POU2F3: variants seen among roughly 807,000 people sequenced by gnomAD.
POU2F3 encodes POU domain, class 2, transcription factor 3.
Under a neutral mutation model 59.2 loss-of-function variants are expected in POU2F3, and 23 were observed. The observed-to-expected ratio is 0.39, with a 90% CI of 0.28 to 0.55. The LOEUF (loss-of-function observed/expected upper bound fraction) is 0.55. Ranked by LOEUF, POU2F3 falls within the 20% of genes least tolerant of loss-of-function variation. The pLI, the probability that POU2F3 is intolerant of heterozygous loss-of-function variation, is 0.66. For missense variants in POU2F3, 473 were observed against 544.5 expected (o/e 0.87, Z 1.31); for synonymous variants, 190 against 214.6 (o/e 0.89, Z 1.00).
chr11:120,279,191 C>T (rs899812670), intron 3 of POU2F3, among the ~76,000 whole-genome samples: 9 of 151,806 alleles, frequency 5.9e-5, no homozygotes, highest in Non-Finnish European at 1.5e-5. Context: ...GTTCTCCCCC[C>T]ACCACTGCCT....
chr11:120,300,367 G>A (rs1941312869), intron 5 of POU2F3, among the ~76,000 whole-genome samples: 2 of 152,122 alleles, frequency 1.3e-5, no homozygotes. Flanking sequence ...TGCCTCTGGT[G>A]ACCTACTGGG....
chr11:120,256,367 C>A lies in POU2F3; in HGVS notation c.97+9850C>A, dbSNP rs1452318549. ...TGTAAAGCACTTAGAAGAGCGCCTG[C>A]CAGATGATAATGCTATTTGCTATTA... On this transcript the variant is annotated intron_variant, in intron 2 of 12. Coordinates refer to ENST00000543440, the MANE Select transcript of POU2F3 (RefSeq NM_014352.4). The A allele has an allele frequency of 2.0e-5, 3 of 152,288 alleles. No individual in the cohort carries two copies. In the East Asian group the frequency reaches 5.8e-4, roughly 29 times the overall value. 9.4% of individuals were successfully genotyped at this position (152,288 alleles called of 1,614,324 possible).
chr11:120,276,184 A>T (rs1940313645), intron 3 of POU2F3, among the ~76,000 whole-genome samples: 1 of 152,172 alleles, frequency 6.6e-6, no homozygotes, highest in Admixed American at 6.5e-5. Flanking sequence ...AAAGCCACTG[A>T]GCCTGAGAGA....
chr11:120,279,564 C>T (rs1364703959), intron 3 of POU2F3, among the ~76,000 whole-genome samples: 2 of 152,154 alleles, frequency 1.3e-5, no homozygotes, highest in Non-Finnish European at 2.9e-5. Context: ...AATCTCAGCC[C>T]CACCGCCCTC....
Position 120,317,291 on chromosome 11 carries a change from G to T in POU2F3, c.1198G>T (p.Ala400Ser), listed in dbSNP as rs766735411. 6.2e-7 allele frequency: 1 copy of T among 1,614,006 alleles called. No homozygotes were observed. The highest frequency in any genetic ancestry group is 2.2e-5 in the East Asian group (1 of 44,880). Residue 400 changes from alanine to serine, a missense_variant, in exon 12 of 13, where the codon GCC becomes TCC. Transcript: ENST00000543440. ...RPSSPGSGLHASSPTASQNNS... is the reference protein window; with the variant it reads ...RPSSPGSGLHSSSPTASQNNS... ...TTCATCTCCTGGCTCAGGACTCCAC[G>T]CCAGCAGCCCCACTGCATCTCAAAA...
rs1389247256 is a variant in POU2F3, at chr11:120,285,976, G to A, written c.133-12289G>A. Among the ~76,000 whole-genome samples, 1 of 152,026 alleles carries A rather than the reference G, an allele frequency of 6.6e-6. No homozygotes were observed. Among genetic ancestry groups the A allele is most frequent in the Admixed American group, 6.6e-5 (1 of 15,264 alleles). On this transcript the variant is annotated intron_variant, in intron 3 of 12. Coordinates refer to ENST00000543440, the MANE Select transcript of POU2F3 (RefSeq NM_014352.4). The surrounding 1 kb of genome is among the most constrained non-coding windows in gnomAD (Gnocchi z 4.3). ...CGGCTCACTGCAACCTCCGCCCCCA[G>A]GGTTCAAACAATTCTCGTGTCTCAG...
At chr11:120,270,764 C>T (rs1591396434) in intron 3 of POU2F3, among the ~76,000 whole-genome samples, 1 of 152,314 alleles carries the variant, frequency 6.6e-6, no homozygotes, top group Non-Finnish European at 1.5e-5. Flanking sequence ...GTAATCACAG[C>T]TCACTGCAGC....
At chr11:120,238,866 C>T (rs927820197), upstream of POU2F3, among the ~76,000 whole-genome samples, 1 of 135,872 alleles carries the variant, frequency 7.4e-6, no homozygotes, top group East Asian at 2.3e-4. Context: ...GAACACGGAA[C>T]TTAAACTCTC....
Position 120,305,627 on chromosome 11 carries a change from T to A in POU2F3, c.628-17T>A. 1 of 1,612,738 alleles carries A rather than the reference T, an allele frequency of 6.2e-7. No individual in the cohort carries two copies. The highest frequency in any genetic ancestry group is 8.5e-7 in the Non-Finnish European group (1 of 1,179,436). On this transcript the variant is annotated splice_polypyrimidine_tract_variant and intron_variant, in intron 7 of 12. Coordinates refer to ENST00000543440, the MANE Select transcript of POU2F3 (RefSeq NM_014352.4). ...AGGCTGCCTCTCATGTTCCTCCCCC[T>A]CGGTCCCCACGCTTAGGGAGATGTG... is the stretch of plus-strand genomic sequence containing the variant.
rs116140170 is a variant in POU2F3 at position 120,257,505 on chromosome 11, G to A, written c.97+10988G>A. Among the ~76,000 whole-genome samples the A allele has an allele frequency of 3.4e-3, 511 of 151,998 alleles. 2 individuals are homozygous for A. The highest frequency in any genetic ancestry group is 0.011 in the African/African-American group (472 of 41,450). ...CTGTGACCCTGGCCTGGGGTCCCGC[G>A]GCTCTAGCTTCTCACTGGCTCCTCC... is the stretch of plus-strand genomic sequence containing the variant. On this transcript the variant is annotated intron_variant, in intron 2 of 12. Coordinates refer to ENST00000543440, the MANE Select transcript of POU2F3 (RefSeq NM_014352.4).
intron 2 of POU2F3, among the ~76,000 whole-genome samples, chr11:120,268,463 C>G (rs532936515): frequency 5.3e-5 from 8 of 152,110 alleles, no homozygotes; most frequent in Non-Finnish European, 1.2e-4. Flanking sequence ...GCCTCCACCC[C>G]CTGAGTAGCT....
intron 2 of POU2F3, among the ~76,000 whole-genome samples, chr11:120,252,206 CT>C (rs1157582096): frequency 1.1e-3 from 137 of 124,790 alleles, no homozygotes; most frequent in Middle Eastern, 4.4e-3. Context: ...TTCTGCTTTT[CT>C]TTTTTTTTTT....
Position 120,302,422 on chromosome 11 carries a change from G to C in POU2F3, c.444+54G>C, listed in dbSNP as rs11605486. The C allele has an allele frequency of 3.8e-3, 5,771 of 1,509,110 alleles. 153 individuals are homozygous for C. In the African/African-American group the frequency reaches 0.061, roughly 16 times the overall value. The allele number at this position is 1,509,110 out of a possible 1,614,324, so 93.5% of individuals were successfully genotyped here. On this transcript the variant is annotated intron_variant, in intron 6 of 12. Transcript: ENST00000543440. The stretch of plus-strand genomic sequence containing the variant: ...CTAGGAATGTCTCAGCTCTCACTGA[G>C]TTTAACTCACTGGTTTCCCCCTACC...
intron 10 of POU2F3, 60 bp downstream of exon 10, chr11:120,309,646 G>T (rs887737353): frequency 7.0e-6 from 11 of 1,566,112 alleles, no homozygotes; most frequent in Non-Finnish European, 8.8e-6. Context: ...GCTTGGAGGG[G>T]AAGGTGGTGG....
At chr11:120,245,467 C>T (rs997985073) in intron 1 of POU2F3, among the ~76,000 whole-genome samples, 2 of 152,034 alleles carry the variant, frequency 1.3e-5, no homozygotes, top group African/African-American at 4.8e-5. Context: ...AGTTAAAGTG[C>T]TGCCCCAGAG....
intron 2 of POU2F3, among the ~76,000 whole-genome samples, chr11:120,262,959 T>A (rs931918358): frequency 1.7e-4 from 22 of 127,744 alleles, no homozygotes; most frequent in African/African-American, 5.3e-4. Context: ...TTCTTATTTA[T>A]TTAATTTATT....
chr11:120,303,961 T>C (rs544084061), intron 6 of POU2F3: 19 of 152,318 alleles, frequency 1.2e-4, no homozygotes, highest in African/African-American at 4.6e-4. Flanking sequence ...GTCCTTAAGA[T>C]CGGATTCATT....
At chr11:120,302,610 T>C in intron 6 of POU2F3, 1 of 500,208 alleles carries the variant, frequency 2.0e-6, no homozygotes, top group South Asian at 2.7e-5. Context: ...GCCAGCCTCC[T>C]TCATGCTCCA....
At chr11:120,300,620 C>T (rs557624908) in intron 5 of POU2F3, among the ~76,000 whole-genome samples, 3 of 152,162 alleles carry the variant, frequency 2.0e-5, no homozygotes, top group African/African-American at 4.8e-5. Context: ...AAAAATTTGC[C>T]GGGTGTGGTG....
Sources: allele counts gnomAD v4.1 joint callset (sites outside exome capture counted in the v4.1 genomes callset), GRCh38; gene constraint gnomAD v4.1.1; non-coding constraint Gnocchi (gnomAD v3.1); transcripts MANE v1.5; gene names NCBI Gene and HGNC (gene_info 2026-07-23, HGNC 2026-07-21).